Variants in DYRK4 observed in about 807,000 individuals in gnomAD.
DYRK4 encodes dual specificity tyrosine phosphorylation regulated kinase 4.
In DYRK4, 64 loss-of-function variants were observed where a neutral mutation model predicts 68.3. That is an observed-to-expected ratio of 0.94 (90% CI 0.77 to 1.15). The LOEUF (loss-of-function observed/expected upper bound fraction) is 1.15. DYRK4 is among the 50% of genes most tolerant of loss of function. DYRK4 has a pLI of 0.00. For synonymous variants in DYRK4, 274 were observed against 289.9 expected, an observed-to-expected ratio of 0.95 and a Z score of 0.56; for missense variants, 740 against 764.7, an observed-to-expected ratio of 0.97 and a Z score of 0.38.
intron 2 of DYRK4, among the ~76,000 whole-genome samples, chr12:4,586,283 C>G (rs1478979124): frequency 2.6e-5 from 4 of 152,158 alleles, no homozygotes; most frequent in Non-Finnish European, 5.9e-5. Flanking sequence ...AGGTCTTAGA[C>G]TGCACAGGAA....
intron 11 of DYRK4, among the ~76,000 whole-genome samples, chr12:4,605,729 GTTTTTTTTTTT>G (rs58963826): frequency 2.8e-4 from 29 of 102,106 alleles, no homozygotes; most frequent in African/African-American, 5.8e-4. Context: ...ATAGAGCTGG[GTTTTTTTTTTT>G]TTTTTTTTTT....
intron 3 of DYRK4, among the ~76,000 whole-genome samples, chr12:4,589,891 G>C (rs1944933903): frequency 6.6e-6 from 1 of 152,184 alleles, no homozygotes; most frequent in African/African-American, 2.4e-5. Context: ...AGGAAGATTT[G>C]TGTGATATAA....
intron 12 of DYRK4, among the ~76,000 whole-genome samples, chr12:4,609,450 G>A (rs1312081490): frequency 6.6e-6 from 1 of 152,148 alleles, no homozygotes; most frequent in Non-Finnish European, 1.5e-5. Context: ...GTTCTTGACT[G>A]TTCCTTTCCC....
intron 12 of DYRK4, 21 bp from the exon 13 acceptor site, chr12:4,610,134 C>T (rs1945201539): frequency 1.3e-6 from 2 of 1,558,582 alleles, no homozygotes; most frequent in Admixed American, 4.1e-5. Flanking sequence ...AAACTAAATA[C>T]AGAATGTTCT....
chr12:4,599,221 C>T, intron 9 of DYRK4, 55 bp downstream of exon 9: 1 of 1,566,606 alleles, frequency 6.4e-7, no homozygotes, highest in South Asian at 1.1e-5. Flanking sequence ...CCATTCTATT[C>T]CCCAGGCCGT....
chr12:4,599,226 G>A (rs1804179002), intron 9 of DYRK4, 60 bp downstream of exon 9: 1 of 1,539,394 alleles, frequency 6.5e-7, no homozygotes, highest in Non-Finnish European at 8.8e-7. Flanking sequence ...CTATTCCCCA[G>A]GCCGTGTAAC....
At chr12:4,568,100 T>TG in intron 2 of DYRK4, 52 bp downstream of exon 2, 1 of 1,482,978 alleles carries the variant, frequency 6.7e-7, no homozygotes, top group Non-Finnish European at 9.1e-7. Flanking sequence ...TGCGAGGTCC[T>TG]AGGGACTCAG....
At chr12:4,596,817 A>G in intron 8 of DYRK4, 88 bp downstream of exon 8, 1 of 1,583,864 alleles carries the variant, frequency 6.3e-7, no homozygotes, top group Middle Eastern at 1.7e-4. Flanking sequence ...ATTTCTCTGG[A>G]TGTGAATATT....
rs779644869 is a variant in DYRK4 at position 4,588,798 on chromosome 12, G to A, written c.133-139G>A. 45 of 687,338 alleles carry A rather than the reference G, an allele frequency of 6.5e-5. 1 individual carries two copies. The Middle Eastern group carries it at 9.2e-3, about 140-fold the overall frequency. 42.6% of individuals were successfully genotyped at this position (687,338 alleles called of 1,614,324 possible). On this transcript the variant is annotated intron_variant, in intron 2 of 14. Coordinates refer to ENST00000543431, the MANE Select transcript of DYRK4 (RefSeq NM_001394779.1). ...ATACATTCATTGAGTACTTATTGGA[G>A]CCTCTCTTGGCTCTTCCCAGCTAAG...
At chr12:4,589,438 G>A (rs1398087624) in intron 3 of DYRK4, among the ~76,000 whole-genome samples, 2 of 152,064 alleles carry the variant, frequency 1.3e-5, no homozygotes, top group African/African-American at 2.4e-5. Context: ...TTCAGTGTAC[G>A]TTTTTGTACC....
At chr12:4,572,915 A>G (rs142573664) in intron 2 of DYRK4, 16 of 210,404 alleles carry the variant, frequency 7.6e-5, no homozygotes, top group Non-Finnish European at 1.2e-4. Flanking sequence ...TCCGACGGTC[A>G]TTCATTGTCT....
chr12:4,612,734 T>C lies in DYRK4; in HGVS notation c.1666+16T>C. 1 of 1,613,672 alleles carries C rather than the reference T, an allele frequency of 6.2e-7. No individual in the cohort carries two copies. The highest frequency in any genetic ancestry group is 1.7e-5 in the Admixed American group (1 of 60,032). On this transcript the variant is annotated intron_variant, in intron 14 of 14. Coordinates refer to ENST00000543431, the MANE Select transcript of DYRK4 (RefSeq NM_001394779.1). ...AGCAGAAAAGGTACAGCCTGTCAAA[T>C]AACCAGTCCTAGTCCCACAGTCCGG...
intron 10 of DYRK4, chr12:4,602,199 G>A (rs2137389250): frequency 2.3e-6 from 2 of 855,916 alleles, no homozygotes; most frequent in Non-Finnish European, 3.9e-6. Context: ...TTACTCTGCT[G>A]TTCATGTCTT....
chr12:4,606,280 A>G (rs1011271838), intron 11 of DYRK4, among the ~76,000 whole-genome samples: 175 of 145,360 alleles, frequency 1.2e-3, no homozygotes, highest in African/African-American at 4.4e-3. Context: ...ACACCAAGCT[A>G]GCTGGCTGGC....
In DYRK4 at chr12:4,612,586, C is replaced by A. The variant is rs201883485; in HGVS notation, c.1534C>A (p.His512Asn). 2.1e-4 allele frequency: 335 copies of A among 1,614,126 alleles called. No homozygotes were observed. Among genetic ancestry groups the A allele is most frequent in the Non-Finnish European group, 2.0e-4 (239 of 1,180,048 alleles). ...LRMTPDQALK[H>N]AWIHQSRNLK... is the part of the protein sequence containing the mutation. ...CATGACCCCGGACCAGGCCCTCAAG[C>A]ATGCTTGGATTCATCAGTCTCGGAA... The change falls in exon 14 of 15, where the codon CAT becomes AAT. Residue 512 changes from histidine to asparagine, a missense_variant. Physicochemically the swap from His to Asn is moderately conservative, Grantham distance 68. This residue lies in a region of DYRK4 where 614 missense variants were observed against 603.7 expected (regional missense o/e 1.02). Coordinates refer to ENST00000543431, the MANE Select transcript of DYRK4 (RefSeq NM_001394779.1).
chr12:4,576,744 C>CA (rs1217426261), intron 2 of DYRK4, among the ~76,000 whole-genome samples: 1 of 152,160 alleles, frequency 6.6e-6, no homozygotes, highest in Admixed American at 6.6e-5. Flanking sequence ...TTTTAATTTG[C>CA]AATTGCCTAA....
Position 4,562,299 on chromosome 12 carries a change from G to T in DYRK4, c.38+16G>T. 2.6e-6 allele frequency: 4 copies of T among 1,531,484 alleles called. No homozygotes were observed. Among genetic ancestry groups the T allele is most frequent in the Non-Finnish European group, 3.5e-6 (4 of 1,144,804 alleles). The allele number at this position is 1,531,484 out of a possible 1,614,324, so 94.9% of individuals were successfully genotyped here. A position where few individuals can be genotyped will look rare whatever the true frequency, so the allele number is the denominator to read the frequency against. Reference sequence around the variant, plus strand: ...CCGGAACAAAGTAAGGGCCGCGGAGGCTCGTACTTCACGAGCAGTCAGGCG... The same window carrying T: ...CCGGAACAAAGTAAGGGCCGCGGAGTCTCGTACTTCACGAGCAGTCAGGCG... On this transcript the variant is annotated intron_variant, in intron 1 of 14. Coordinates refer to ENST00000543431, the MANE Select transcript of DYRK4 (RefSeq NM_001394779.1).
intron 10 of DYRK4, chr12:4,602,445 G>A: frequency 8.6e-7 from 1 of 1,161,790 alleles, no homozygotes; most frequent in South Asian, 1.2e-5. Context: ...AGACTGTCCT[G>A]ATTAGATTTC....
In DYRK4 at chr12:4,604,926, T is replaced by A. The variant is rs773388116; in HGVS notation, c.1139T>A (p.Ile380Asn). The A allele has an allele frequency of 6.2e-7, 1 of 1,609,740 alleles. No homozygotes were observed. The change falls in exon 11 of 15, where the codon ATC (isoleucine) becomes AAC (asparagine). Residue 380 changes from isoleucine (I) to asparagine (N), a missense_variant. Transcript: ENST00000543431. The part of the protein sequence containing the change: ...CYEHQKVYTY[I>N]QSRFYRSPEV... ...TTTGCCTCCGCAGTATACACGTACA[T>A]CCAAAGCCGGTTCTACCGATCCCCA...
Sources: allele counts gnomAD v4.1 joint callset (sites outside exome capture counted in the v4.1 genomes callset), GRCh38; gene constraint gnomAD v4.1.1; regional missense constraint gnomAD v4.1.1; transcripts MANE v1.5; gene names NCBI Gene and HGNC (gene_info 2026-07-23, HGNC 2026-07-21).